The following CSNK2A2IP variants were observed in gnomAD, a reference collection of about 807,000 sequenced individuals.
CSNK2A2IP encodes casein kinase 2 subunit alpha' interacting protein.
the CSNK2A2IP span, among the ~76,000 whole-genome samples, chr3:88,400,084 C>T: frequency 2.0e-5 from 3 of 152,154 alleles, no homozygotes; most frequent in East Asian, 3.9e-4. Context: ...TAAAACAAAT[C>T]GTAGATTACA....
the CSNK2A2IP span, among the ~76,000 whole-genome samples, chr3:88,401,542 C>T: frequency 3.2e-4 from 49 of 152,170 alleles, no homozygotes; most frequent in African/African-American, 1.1e-3. Context: ...TAATTCGGAA[C>T]AAGTTGTGCT....
the CSNK2A2IP span, among the ~76,000 whole-genome samples, chr3:88,412,860 C>T: frequency 3.0e-4 from 46 of 152,030 alleles, no homozygotes; most frequent in African/African-American, 9.2e-4. Context: ...AGTAAAAATA[C>T]AGAATTATAA....
chr3:88,441,213 T>C, the CSNK2A2IP span, among the ~76,000 whole-genome samples: 29 of 152,268 alleles, frequency 1.9e-4, no homozygotes, highest in South Asian at 5.8e-3. Context: ...TATTTGCTTG[T>C]TTTTTAACTG....
chr3:88,355,932 C>T, the CSNK2A2IP span, among the ~76,000 whole-genome samples: 9 of 152,056 alleles, frequency 5.9e-5, no homozygotes, highest in African/African-American at 1.7e-4. Context: ...TTAACCGATG[C>T]TCTTTAATTT....
the CSNK2A2IP span, among the ~76,000 whole-genome samples, chr3:88,419,287 G>T: frequency 2.6e-5 from 4 of 152,066 alleles, no homozygotes; most frequent in South Asian, 4.1e-4. Flanking sequence ...TGCCAAAAGG[G>T]CACCTTTATT....
At chr3:88,383,165 G>A in the CSNK2A2IP span, among the ~76,000 whole-genome samples, 1 of 151,642 alleles carries the variant, frequency 6.6e-6, no homozygotes, top group Non-Finnish European at 1.5e-5. Context: ...TAAAAATAGG[G>A]CTCCCAAAGG....
chr3:88,420,854 A>G, the CSNK2A2IP span, among the ~76,000 whole-genome samples: 1 of 152,182 alleles, frequency 6.6e-6, no homozygotes, highest in Admixed American at 6.5e-5. Flanking sequence ...CAGAAATGAT[A>G]TTGGGTTCAT....
the CSNK2A2IP span, among the ~76,000 whole-genome samples, chr3:88,383,651 C>CTTT: frequency 2.0e-4 from 18 of 88,502 alleles, no homozygotes; most frequent in African/African-American, 4.6e-4. Flanking sequence ...TCTTTTCTTT[C>CTTT]TTTTTTTTTT....
the CSNK2A2IP span, among the ~76,000 whole-genome samples, chr3:88,416,542 A>G: frequency 6.6e-6 from 1 of 152,174 alleles, no homozygotes; most frequent in Admixed American, 6.5e-5. Flanking sequence ...TCAGTAATGC[A>G]TTGTTATAGC....
the CSNK2A2IP span, among the ~76,000 whole-genome samples, chr3:88,349,501 T>C: frequency 6.6e-6 from 1 of 152,146 alleles, no homozygotes; most frequent in Non-Finnish European, 1.5e-5. Flanking sequence ...TTCTATGGTG[T>C]ATATATACTG....
the CSNK2A2IP span, among the ~76,000 whole-genome samples, chr3:88,381,504 T>A: frequency 6.6e-6 from 1 of 152,032 alleles, no homozygotes; most frequent in African/African-American, 2.4e-5. Context: ...GGTGGTGAGG[T>A]CTTACTGGTT....
At chr3:88,457,904 A>G in the CSNK2A2IP span, among the ~76,000 whole-genome samples, 1 of 151,718 alleles carries the variant, frequency 6.6e-6, no homozygotes, top group Non-Finnish European at 1.5e-5. Context: ...CTTCTATGGG[A>G]AGCCTTTAAA....
chr3:88,430,853 A>T, the CSNK2A2IP span, among the ~76,000 whole-genome samples: 11 of 152,120 alleles, frequency 7.2e-5, no homozygotes, highest in African/African-American at 2.7e-4. Flanking sequence ...TGAAATGGTG[A>T]CATTGCAGAT....
chr3:88,404,811 T>C, the CSNK2A2IP span, among the ~76,000 whole-genome samples: 1 of 122,664 alleles, frequency 8.2e-6, no homozygotes, highest in Non-Finnish European at 1.9e-5. Flanking sequence ...TTGAAAAAAA[T>C]TCTTTGTGTG....
chr3:88,460,234 G>A, the CSNK2A2IP span, among the ~76,000 whole-genome samples: 5 of 151,456 alleles, frequency 3.3e-5, no homozygotes, highest in Admixed American at 6.6e-5. Flanking sequence ...TTAGTTATCT[G>A]TATGTAATAT....
At chr3:88,345,912 G>A in the CSNK2A2IP span, among the ~76,000 whole-genome samples, 2 of 152,004 alleles carry the variant, frequency 1.3e-5, no homozygotes, top group African/African-American at 4.8e-5. Context: ...CAGGTTGAAA[G>A]TTAGGCCTCT....
the CSNK2A2IP span, among the ~76,000 whole-genome samples, chr3:88,357,954 T>G: frequency 6.6e-6 from 1 of 152,116 alleles, no homozygotes; most frequent in South Asian, 2.1e-4. Flanking sequence ...TTCAAATTCC[T>G]AAGCTCAAGT....
chr3:88,465,746 C>T, the CSNK2A2IP span: 282 of 1,231,704 alleles, frequency 2.3e-4, 1 homozygote, highest in African/African-American at 2.8e-3. Flanking sequence ...GCTCAAACAA[C>T]GTCTTCATCT....
the CSNK2A2IP span, among the ~76,000 whole-genome samples, chr3:88,425,885 G>A: frequency 2.0e-5 from 3 of 152,028 alleles, no homozygotes; most frequent in Non-Finnish European, 2.9e-5. Flanking sequence ...GCGGTAGTAG[G>A]CAAGGTTTAA....
Sources: allele counts gnomAD v4.1 joint callset (sites outside exome capture counted in the v4.1 genomes callset), GRCh38; gene constraint gnomAD v4.1.1; transcripts MANE v1.5; gene names NCBI Gene and HGNC (gene_info 2026-07-23, HGNC 2026-07-21).